The following AP3B1 variants were observed in gnomAD, a reference collection of about 807,000 sequenced individuals.
AP3B1 encodes adaptor related protein complex 3 subunit beta 1.
AP3B1 carries 61 observed loss-of-function variants against 132.5 expected under a neutral mutation model. The observed-to-expected ratio is 0.46, with a 90% CI of 0.37 to 0.57. The LOEUF is 0.57. Ranked by LOEUF, AP3B1 falls within the 20% of genes least tolerant of loss-of-function variation. The probability of loss-of-function intolerance (pLI) is 0.00; values close to 1 mark genes in which losing one functional copy is unlikely to be tolerated. For missense variants in AP3B1, 1,120 were observed against 1,289.4 expected, an observed-to-expected ratio of 0.87 and a Z score of 2.01; for synonymous variants, 388 against 438.3, an observed-to-expected ratio of 0.89 and a Z score of 1.43.
rs772238744 is a variant in AP3B1, at chr5:78,240,901, A to G, written c.240T>C (p.Phe80=). 1 of 1,613,416 alleles carries G rather than the reference A, an allele frequency of 6.2e-7. No individual in the cohort carries two copies. Among genetic ancestry groups the G allele is most frequent in the Non-Finnish European group, 8.5e-7 (1 of 1,179,526 alleles). ...IAKGKNASEL[F]PAVVKNVASK... ...TGGCCACATTCTTCACAACAGCAGG[A>G]AACAGTTCAGATGCATTTTTCCCTT... is the stretch of plus-strand genomic sequence containing the variant. The change falls in exon 3 of 27, where the codon TTT becomes TTC. Residue 80 remains phenylalanine (F), a synonymous_variant. Coordinates refer to ENST00000255194, the MANE Select transcript of AP3B1 (RefSeq NM_003664.5).
At chr5:78,051,220 C>CTA (rs1748569441) in intron 22 of AP3B1, among the ~76,000 whole-genome samples, 1 of 152,058 alleles carries the variant, frequency 6.6e-6, no homozygotes, top group Non-Finnish European at 1.5e-5. Context: ...TGTTATCTCC[C>CTA]TAATAACAGA....
intron 17 of AP3B1, among the ~76,000 whole-genome samples, chr5:78,122,818 A>C (rs953880338): frequency 6.6e-6 from 1 of 152,216 alleles, no homozygotes; most frequent in East Asian, 1.9e-4. Context: ...GCTACCAATG[A>C]CTTTCTTCAC....
chr5:78,151,811 TTTCCTTCC>T (rs539810590), intron 14 of AP3B1, among the ~76,000 whole-genome samples: 37 of 148,952 alleles, frequency 2.5e-4, no homozygotes, highest in East Asian at 2.0e-4. Context: ...TCTAGTTTTA[TTTCCTTCC>T]TTCCTTCCTT....
At position 78,116,254 on chromosome 5, in the gene AP3B1, A is replaced by C; in HGVS notation, c.1969-20T>G. The C allele has an allele frequency of 6.4e-7, 1 of 1,572,996 alleles. No homozygotes were observed. The highest frequency in any genetic ancestry group is 1.1e-5 in the South Asian group (1 of 90,302). ...TTTTGCCTGTTTAAACAAATAAAGT[A>C]AATATAAATGAATTCTCATTCAGAG... On this transcript the variant is annotated intron_variant, in intron 17 of 26. Transcript: ENST00000255194.
intron 7 of AP3B1, among the ~76,000 whole-genome samples, chr5:78,183,057 G>A (rs919192185): frequency 9.9e-5 from 15 of 152,172 alleles, no homozygotes; most frequent in African/African-American, 3.1e-4. Context: ...AGTCAGCCCC[G>A]CCCACACCCT....
At position 78,110,325 on chromosome 5, in the gene AP3B1, TC is replaced by T; in HGVS notation, c.2278del (p.Glu760LysfsTer16). On this transcript the variant is annotated frameshift_variant, in exon 20 of 27. Transcript: ENST00000255194. LOFTEE classifies it high-confidence loss of function. ...SDSEDGEKEN[E>X]KSKTSDSSND... ...TGAAGAATCTGAAGTTTTAGATTTT[TC>T]ATTTTCCTTCTCCCCATCTTCAGAA... 6.2e-7 allele frequency: 1 copy of T among 1,609,762 alleles called. No individual in the cohort carries two copies. Among genetic ancestry groups the T allele is most frequent in the Non-Finnish European group, 8.5e-7 (1 of 1,177,118 alleles).
intron 25 of AP3B1, among the ~76,000 whole-genome samples, chr5:78,016,727 A>G (rs140182865): frequency 6.6e-6 from 1 of 152,234 alleles, no homozygotes; most frequent in Non-Finnish European, 1.5e-5. Context: ...AAATAGAACT[A>G]TCTAGCTTCT....
chr5:78,217,916 G>A (rs562075118), intron 6 of AP3B1, among the ~76,000 whole-genome samples: 225 of 152,030 alleles, frequency 1.5e-3, no homozygotes, highest in Middle Eastern at 0.014. Context: ...TCTTCCAAAT[G>A]TGTTTTGATA....
chr5:78,208,102 A>C (rs2112463676), intron 7 of AP3B1, among the ~76,000 whole-genome samples: 1 of 152,264 alleles, frequency 6.6e-6, no homozygotes, highest in East Asian at 1.9e-4. Context: ...AGAGAGAGAA[A>C]GAGAGAGAGA....
At chr5:78,085,672 A>G (rs139664593) in intron 22 of AP3B1, among the ~76,000 whole-genome samples, 97 of 152,258 alleles carry the variant, frequency 6.4e-4, no homozygotes, top group African/African-American at 2.2e-3. Flanking sequence ...TTATATTATT[A>G]TAAAACATTT....
At chr5:78,226,707 CAG>C (rs1189349812) in intron 5 of AP3B1, among the ~76,000 whole-genome samples, 1 of 151,950 alleles carries the variant, frequency 6.6e-6, no homozygotes, top group Non-Finnish European at 1.5e-5. Context: ...ACACCAGAAA[CAG>C]AAGAGAGTCT....
intron 1 of AP3B1, among the ~76,000 whole-genome samples, chr5:78,282,799 C>G (rs923493509): frequency 6.6e-5 from 10 of 151,326 alleles, no homozygotes; most frequent in Non-Finnish European, 1.3e-4. Context: ...ACGGCTTGAG[C>G]CCAGGAGTTC....
At chr5:78,000,719 G>A (rs565938931), downstream of AP3B1, 2 of 152,134 alleles carry the variant, frequency 1.3e-5, no homozygotes, top group Admixed American at 6.5e-5. Context: ...ACATTAAAAT[G>A]AAAAAATATA....
chr5:78,125,162 GTCTT>G (rs1752405911), intron 17 of AP3B1, among the ~76,000 whole-genome samples: 2 of 152,116 alleles, frequency 1.3e-5, no homozygotes, highest in African/African-American at 4.8e-5. Context: ...GCAGAAGGCG[GTCTT>G]TCTGTCAGTA....
At chr5:78,266,465 C>G (rs1748327264) in intron 2 of AP3B1, among the ~76,000 whole-genome samples, 1 of 152,140 alleles carries the variant, frequency 6.6e-6, no homozygotes, top group African/African-American at 2.4e-5. Flanking sequence ...CATACCACCT[C>G]ACTTTTTAAC....
chr5:78,215,301 T>A (rs1745914087), intron 7 of AP3B1, among the ~76,000 whole-genome samples: 1 of 152,076 alleles, frequency 6.6e-6, no homozygotes, highest in African/African-American at 2.4e-5. Context: ...TGTGCTATTC[T>A]TACAACATTT....
intron 14 of AP3B1, among the ~76,000 whole-genome samples, chr5:78,144,417 A>G (rs1355271301): frequency 6.6e-6 from 1 of 152,208 alleles, no homozygotes; most frequent in African/African-American, 2.4e-5. Flanking sequence ...TAAGCAGTTC[A>G]ATTTAAAAGC....
Position 78,161,204 on chromosome 5 carries a change from A to G in AP3B1, c.1363+1615T>C, listed in dbSNP as rs115083414. 4.8e-3 allele frequency among the ~76,000 whole-genome samples: 734 copies of G among 152,120 alleles called. 5 individuals are homozygous for G. Among genetic ancestry groups the G allele is most frequent in the African/African-American group, 0.017 (691 of 41,572 alleles). On this transcript the variant is annotated intron_variant, in intron 13 of 26. Coordinates refer to ENST00000255194, the MANE Select transcript of AP3B1 (RefSeq NM_003664.5). ...TATTTATCTTTTAAAGTCAATAAAA[A>G]TATTTTTTGAGAAATTAAATCTGAA...
chr5:78,270,109 A>C (rs2112566065), intron 1 of AP3B1, among the ~76,000 whole-genome samples: 1 of 152,178 alleles, frequency 6.6e-6, no homozygotes, highest in South Asian at 2.1e-4. Context: ...ATGGGGTTTC[A>C]TCATGTTGGC....
Sources: gnomAD v4.1 joint callset for allele counts (sites outside exome capture counted in the v4.1 genomes callset) on GRCh38, gnomAD v4.1.1 for gene constraint, MANE v1.5 for transcripts, NCBI Gene and HGNC (gene_info 2026-07-23, HGNC 2026-07-21) for gene names.